Variants in CABLES1 observed in about 807,000 individuals in gnomAD.
CABLES1 encodes CDK5 and ABL1 enzyme substrate 1.
In CABLES1, 36 loss-of-function variants were observed where a neutral mutation model predicts 57.8. That is an observed-to-expected ratio of 0.62 (90% CI 0.48 to 0.82). The LOEUF is 0.82. Ranked by LOEUF, CABLES1 falls within the 40% of genes least tolerant of loss-of-function variation. The pLI, the probability that CABLES1 is intolerant of heterozygous loss-of-function variation, is 0.00. For missense variants in CABLES1, 767 were observed against 836.6 expected (o/e 0.92, Z 1.03); for synonymous variants, 374 against 363.0 (o/e 1.03, Z -0.35).
chr18:23,207,524 C>T (rs578065657), intron 3 of CABLES1, among the ~76,000 whole-genome samples: 1 of 152,280 alleles, frequency 6.6e-6, no homozygotes, highest in South Asian at 2.1e-4. Context: ...CCTGTGTGTT[C>T]AGTAGCGCCC....
chr18:23,152,894 C>T (rs181601217), intron 1 of CABLES1, among the ~76,000 whole-genome samples: 102 of 145,992 alleles, frequency 7.0e-4, no homozygotes, highest in Admixed American at 2.0e-3. Flanking sequence ...CTCCACCTCC[C>T]GGGTTCAAAT....
At chr18:23,226,319 T>G (rs1278953123) in intron 4 of CABLES1, among the ~76,000 whole-genome samples, 5 of 151,918 alleles carry the variant, frequency 3.3e-5, no homozygotes, top group Non-Finnish European at 7.4e-5. Context: ...GGAGAATTGC[T>G]TGAACCTGAG....
At chr18:23,232,386 A>C (rs2047572588) in intron 4 of CABLES1, among the ~76,000 whole-genome samples, 1 of 152,204 alleles carries the variant, frequency 6.6e-6, no homozygotes, top group Non-Finnish European at 1.5e-5. Flanking sequence ...AAAGGAAGAC[A>C]CTGCTGTTTT....
intron 1 of CABLES1, among the ~76,000 whole-genome samples, chr18:23,173,692 G>A (rs986033506): frequency 6.6e-6 from 1 of 152,240 alleles, no homozygotes; most frequent in African/African-American, 2.4e-5. Context: ...GCTGGGCGCA[G>A]TGGCTCATGC....
intron 4 of CABLES1, among the ~76,000 whole-genome samples, chr18:23,227,670 G>A (rs908470742): frequency 2.0e-5 from 3 of 152,144 alleles, no homozygotes; most frequent in African/African-American, 7.2e-5. Flanking sequence ...TATCGGAAGG[G>A]CAACAAACGG....
intron 1 of CABLES1, among the ~76,000 whole-genome samples, chr18:23,174,821 C>CATATATATATATATATATATATAT (rs569579022): frequency 1.5e-4 from 14 of 94,560 alleles, no homozygotes; most frequent in Non-Finnish European, 2.0e-4. Context: ...CATGTTACAC[C>CATATATATATATATATATATATAT]ATATATATAT....
chr18:23,166,844 G>T (rs1009198894), intron 1 of CABLES1, among the ~76,000 whole-genome samples: 9 of 152,192 alleles, frequency 5.9e-5, no homozygotes, highest in Admixed American at 2.6e-4. Flanking sequence ...AGTGCAGAGT[G>T]CTCCATTCAT....
chr18:23,134,565 T>A (rs2046803457), upstream of CABLES1: 1 of 152,054 alleles, frequency 6.6e-6, no homozygotes, highest in Admixed American at 6.6e-5. Flanking sequence ...GTGCCAAACG[T>A]GCTTATGAGA....
intron 4 of CABLES1, among the ~76,000 whole-genome samples, chr18:23,233,632 G>A (rs1298196879): frequency 2.0e-5 from 3 of 152,224 alleles, no homozygotes; most frequent in East Asian, 3.8e-4. Flanking sequence ...AGGATGGCTT[G>A]CGCCCAAGAG....
chr18:23,195,282 C>A (rs2047274080), intron 3 of CABLES1, among the ~76,000 whole-genome samples: 1 of 152,146 alleles, frequency 6.6e-6, no homozygotes, highest in African/African-American at 2.4e-5. Flanking sequence ...TGCTGTGTAA[C>A]CCTTGGGGGC....
intron 7 of CABLES1, among the ~76,000 whole-genome samples, chr18:23,238,114 T>A (rs2047651130): frequency 6.6e-6 from 1 of 152,256 alleles, no homozygotes; most frequent in Non-Finnish European, 1.5e-5. Flanking sequence ...CCCTCCCTCC[T>A]GTGCTCCCAG....
At chr18:23,244,101 T>C (rs2047814410) in intron 7 of CABLES1, among the ~76,000 whole-genome samples, 1 of 152,242 alleles carries the variant, frequency 6.6e-6, no homozygotes, top group Non-Finnish European at 1.5e-5. Flanking sequence ...TGGCTCATTC[T>C]CTACTGCCAC....
intron 1 of CABLES1, among the ~76,000 whole-genome samples, chr18:23,166,455 G>A (rs930038916): frequency 2.6e-5 from 4 of 152,084 alleles, no homozygotes; most frequent in Non-Finnish European, 5.9e-5. Context: ...TGCCCACCTT[G>A]GCCTCCCAAA....
chr18:23,136,056 C>T lies in CABLES1; in HGVS notation c.294C>T (p.Ala98=), dbSNP rs1598791457. ...AGGGCGGCGCGGCCAAGCCGGGCGC[C>T]GGCGGCGCCTGCGGCGCGAGGACTC... is the stretch of plus-strand genomic sequence containing the variant. ...GEEGGAAKPG[A]GGACGARTRF... The change falls in exon 1 of 10, where the codon GCC becomes GCT. Residue 98 remains alanine, a synonymous_variant. Transcript: ENST00000256925. The T allele has an allele frequency of 2.8e-6, 2 of 702,080 alleles. No individual in the cohort carries two copies. 43.5% of individuals were successfully genotyped at this position (702,080 alleles called of 1,614,324 possible). A position where few individuals can be genotyped will look rare whatever the true frequency, so the allele number is the denominator to read the frequency against.
intron 4 of CABLES1, among the ~76,000 whole-genome samples, chr18:23,225,118 C>G (rs147150733): frequency 1.5e-4 from 23 of 152,316 alleles, no homozygotes; most frequent in African/African-American, 5.3e-4. Context: ...CCTCCCACCT[C>G]GGCCTTCTAA....
chr18:23,153,353 C>G (rs771574428), intron 1 of CABLES1, among the ~76,000 whole-genome samples: 2 of 152,110 alleles, frequency 1.3e-5, no homozygotes, highest in African/African-American at 2.4e-5. Flanking sequence ...CTGCCTCAGC[C>G]TCCCAATGTG....
chr18:23,209,670 T>G (rs1009300209), intron 3 of CABLES1, among the ~76,000 whole-genome samples: 1 of 152,188 alleles, frequency 6.6e-6, no homozygotes, highest in Non-Finnish European at 1.5e-5. Flanking sequence ...ATATTTCTGT[T>G]GTAATGGAAC....
At chr18:23,195,201 G>T (rs2145026747) in intron 3 of CABLES1, among the ~76,000 whole-genome samples, 1 of 152,310 alleles carries the variant, frequency 6.6e-6, no homozygotes, top group East Asian at 1.9e-4. Context: ...CTCATGATTG[G>T]ATGGCTAAGT....
intron 4 of CABLES1, among the ~76,000 whole-genome samples, chr18:23,216,858 T>C (rs949293806): frequency 6.6e-5 from 10 of 152,144 alleles, no homozygotes; most frequent in African/African-American, 1.4e-4. Context: ...TGCCTGGGTC[T>C]CCTTCTTGCT....
Sources: gnomAD v4.1 joint callset for allele counts (sites outside exome capture counted in the v4.1 genomes callset) on GRCh38, gnomAD v4.1.1 for gene constraint, MANE v1.5 for transcripts, NCBI Gene and HGNC (gene_info 2026-07-23, HGNC 2026-07-21) for gene names.